CCDC148: variants seen among roughly 807,000 people sequenced by gnomAD.
CCDC148 encodes the protein coiled-coil domain containing 148, also known as coiled-coil domain-containing protein 148.
A neutral mutation model predicts 85.7 loss-of-function variants in CCDC148; 89 were observed. The observed-to-expected ratio is 1.04, with a 90% CI of 0.87 to 1.24. The LOEUF (loss-of-function observed/expected upper bound fraction) is 1.24. CCDC148 is among the 50% of genes most tolerant of loss of function. The pLI is 0.00. For missense variants in CCDC148, 692 were observed against 671.7 expected (o/e 1.03, Z -0.33); for synonymous variants, 230 against 213.9 (o/e 1.08, Z -0.66).
intron 11 of CCDC148, among the ~76,000 whole-genome samples, chr2:158,217,472 A>C (rs1686946406): frequency 6.6e-6 from 1 of 150,918 alleles, no homozygotes; most frequent in Admixed American, 6.6e-5. Context: ...GCACGATCTC[A>C]GCTCACTGCA....
chr2:158,441,698 A>T (rs771520680), intron 1 of CCDC148, among the ~76,000 whole-genome samples: 9 of 152,196 alleles, frequency 5.9e-5, no homozygotes, highest in Non-Finnish European at 1.3e-4. Flanking sequence ...CTGAAAAAGT[A>T]CATGTACTTA....
rs546375994 is a variant in CCDC148 at position 158,224,814 on chromosome 2, G to A, written c.1252-4101C>T. On this transcript the variant is annotated intron_variant, in intron 10 of 13. Coordinates refer to ENST00000283233, the MANE Select transcript of CCDC148 (RefSeq NM_138803.4). ...AGCTCCTAAAGGAAGCACTAAACAT[G>A]GAAAGGAACAACCGGTACCAGCCAC... Among the ~76,000 whole-genome samples the A allele has an allele frequency of 4.2e-3, 633 of 152,192 alleles. 3 individuals are homozygous for A. The highest frequency in any genetic ancestry group is 0.015 in the African/African-American group (608 of 41,510).
At chr2:158,226,834 C>A (rs1024700136) in intron 10 of CCDC148, among the ~76,000 whole-genome samples, 2 of 152,014 alleles carry the variant, frequency 1.3e-5, no homozygotes, top group African/African-American at 4.8e-5. Context: ...CTATGACAAA[C>A]CCACAGTCAA....
chr2:158,427,302 T>C (rs1470653141), intron 1 of CCDC148, among the ~76,000 whole-genome samples: 1 of 152,184 alleles, frequency 6.6e-6, no homozygotes, highest in Non-Finnish European at 1.5e-5. Flanking sequence ...ACTGAGTAAT[T>C]CATCCACTTA....
intron 9 of CCDC148, 36 bp downstream of exon 9, chr2:158,309,397 C>G (rs1559060030): frequency 6.6e-7 from 1 of 1,523,078 alleles, no homozygotes. Flanking sequence ...TCTTAAATAT[C>G]CAGACAAATA....
At chr2:158,322,368 G>A (rs1436932096) in intron 7 of CCDC148, among the ~76,000 whole-genome samples, 1 of 151,906 alleles carries the variant, frequency 6.6e-6, no homozygotes, top group Non-Finnish European at 1.5e-5. Flanking sequence ...CTAAATCATA[G>A]AAGCAGCTCA....
chr2:158,411,285 T>C (rs546950272), intron 1 of CCDC148, among the ~76,000 whole-genome samples: 2 of 152,220 alleles, frequency 1.3e-5, no homozygotes, highest in East Asian at 3.9e-4. Context: ...TGCCCTATTC[T>C]TTCTCTCTCT....
rs1682611945 is a variant in CCDC148 at position 158,340,289 on chromosome 2, G to A, written c.439C>T (p.His147Tyr). 1 of 1,613,922 alleles carries A rather than the reference G, an allele frequency of 6.2e-7. No individual in the cohort carries two copies. Among genetic ancestry groups the A allele is most frequent in the Admixed American group, 1.7e-5 (1 of 60,000 alleles). Reference protein sequence around the residue: ...LKYRQHHTLQHSHPHIEFNSM... With the variant: ...LKYRQHHTLQYSHPHIEFNSM... ...TTAAACTCAATATGTGGGTGTGAAT[G>A]CTGCAAAGTGTGATGCTGTCTGTAT... The change falls in exon 5 of 14, where the codon CAT becomes TAT. Residue 147 changes from histidine to tyrosine, a missense_variant. Physicochemically the swap from His to Tyr is moderately conservative, Grantham distance 83. Transcript: ENST00000283233.
chr2:158,333,326 C>T (rs965674832), intron 7 of CCDC148, among the ~76,000 whole-genome samples: 10 of 151,922 alleles, frequency 6.6e-5, no homozygotes, highest in Admixed American at 1.3e-4. Context: ...TGTAGTTGTG[C>T]GGTTTTGAGT....
chr2:158,199,993 A>G (rs1335317143), intron 11 of CCDC148, among the ~76,000 whole-genome samples: 2 of 152,212 alleles, frequency 1.3e-5, no homozygotes, highest in Non-Finnish European at 2.9e-5. Flanking sequence ...AAGAGGGTTG[A>G]GACGCATTCA....
At chr2:158,296,286 T>G (rs554026905) in intron 9 of CCDC148, among the ~76,000 whole-genome samples, 1 of 152,190 alleles carries the variant, frequency 6.6e-6, no homozygotes, top group Non-Finnish European at 1.5e-5. Flanking sequence ...TATTTTTGCA[T>G]CTGGATATTC....
At chr2:158,384,493 G>C (rs920256909) in intron 1 of CCDC148, among the ~76,000 whole-genome samples, 47 of 152,064 alleles carry the variant, frequency 3.1e-4, no homozygotes, top group African/African-American at 1.1e-3. Flanking sequence ...TTAAAACTGT[G>C]TAGCACCTCC....
chr2:158,396,875 C>A (rs1195750001), intron 1 of CCDC148, among the ~76,000 whole-genome samples: 1 of 152,054 alleles, frequency 6.6e-6, no homozygotes, highest in Non-Finnish European at 1.5e-5. Context: ...ATTACTACTA[C>A]TCTTAGGTGG....
At chr2:158,358,678 T>G (rs1481671092) in intron 1 of CCDC148, 108 bp from the exon 2 acceptor site, 1 of 585,518 alleles carries the variant, frequency 1.7e-6, no homozygotes, top group Non-Finnish European at 2.6e-6. Flanking sequence ...TTTAAATATT[T>G]TTAAGCAAAT....
chr2:158,412,761 C>T (rs1286870020), intron 1 of CCDC148, among the ~76,000 whole-genome samples: 1 of 151,170 alleles, frequency 6.6e-6, no homozygotes, highest in East Asian at 1.9e-4. Context: ...TGAAATTCTG[C>T]ATAATACAAA....
intron 1 of CCDC148, among the ~76,000 whole-genome samples, chr2:158,397,976 C>G (rs1685603395): frequency 6.6e-6 from 1 of 152,090 alleles, no homozygotes; most frequent in Admixed American, 6.6e-5. Context: ...GGATTACAAT[C>G]CTGGTCTCTG....
At chr2:158,197,340 G>A (rs940319527) in intron 11 of CCDC148, among the ~76,000 whole-genome samples, 1 of 152,028 alleles carries the variant, frequency 6.6e-6, no homozygotes, top group Non-Finnish European at 1.5e-5. Flanking sequence ...TTACGAAAAA[G>A]TCACTCAAAA....
chr2:158,248,519 G>A (rs6437156), intron 10 of CCDC148, among the ~76,000 whole-genome samples: 65,128 of 151,572 alleles, frequency 0.43, 14,165 homozygotes, highest in East Asian at 0.68. Context: ...GTTTCCCAAA[G>A]CATTGTAATG....
At chr2:158,432,277 T>C (rs1363051091) in intron 1 of CCDC148, among the ~76,000 whole-genome samples, 1 of 150,788 alleles carries the variant, frequency 6.6e-6, no homozygotes, top group African/African-American at 2.4e-5. Context: ...CCAACCATAG[T>C]TATAAGTATA....
Sources: allele counts gnomAD v4.1 joint callset (sites outside exome capture counted in the v4.1 genomes callset), GRCh38; gene constraint gnomAD v4.1.1; transcripts MANE v1.5; gene names NCBI Gene and HGNC (gene_info 2026-07-23, HGNC 2026-07-21).